LHFPL1: variants seen among roughly 807,000 people sequenced by gnomAD.
The protein encoded by LHFPL1 is LHFPL tetraspan subfamily member 1 protein.
A neutral mutation model predicts 12.1 loss-of-function variants in LHFPL1; 4 were observed. That is an observed-to-expected ratio of 0.33 (90% CI 0.16 to 0.76). The LOEUF is 0.76. LHFPL1 is among the 30% of genes least tolerant of loss of function. The pLI, the probability that LHFPL1 is intolerant of heterozygous loss-of-function variation, is 0.61. For missense variants in LHFPL1, 141 were observed against 174.1 expected (o/e 0.81, Z 1.07); for synonymous variants, 52 against 61.9 (o/e 0.84, Z 0.75).
chrX:112,676,767 A>G (rs1282659885), intron 1 of LHFPL1, among the ~76,000 whole-genome samples: 1 of 112,202 alleles, frequency 8.9e-6, no homozygotes, highest in African/African-American at 3.2e-5. Context: ...AATATCTCTT[A>G]GTAGCTTAAC....
chrX:112,643,078 T>G (rs1249448812), intron 3 of LHFPL1, among the ~76,000 whole-genome samples: 1 of 83,368 alleles, frequency 1.2e-5, no homozygotes, highest in Non-Finnish European at 2.1e-5. Flanking sequence ...AACTGGGTAA[T>G]TTAAAAAAAA....
At chrX:112,660,321 G>T (rs919793949) in intron 3 of LHFPL1, among the ~76,000 whole-genome samples, 1 of 112,508 alleles carries the variant, frequency 8.9e-6, no homozygotes, top group African/African-American at 3.2e-5. Context: ...AACACCAGTA[G>T]GAACTAGGAT....
At chrX:112,662,471 C>T (rs992176318) in intron 2 of LHFPL1, among the ~76,000 whole-genome samples, 1 of 112,005 alleles carries the variant, frequency 8.9e-6, no homozygotes, top group African/African-American at 3.2e-5. Context: ...AGCTTGGCTG[C>T]CCCACGGCAA....
chrX:112,646,485 G>A (rs1930691900), intron 3 of LHFPL1, among the ~76,000 whole-genome samples: 1 of 109,511 alleles, frequency 9.1e-6, no homozygotes, highest in Admixed American at 9.8e-5. Flanking sequence ...GAAGACCAGA[G>A]AGAGGCCCTA....
At chrX:112,648,136 G>C (rs1364046716) in intron 3 of LHFPL1, among the ~76,000 whole-genome samples, 1 of 94,578 alleles carries the variant, frequency 1.1e-5, no homozygotes, top group African/African-American at 3.9e-5. Context: ...AGAACACATG[G>C]ACACAGTGAG....
chrX:112,666,437 G>A (rs1931336106), intron 2 of LHFPL1, among the ~76,000 whole-genome samples: 2 of 111,516 alleles, frequency 1.8e-5, no homozygotes, highest in Non-Finnish European at 3.8e-5. Flanking sequence ...GCCTTTGAGA[G>A]ATAGGTAGAT....
intron 3 of LHFPL1, among the ~76,000 whole-genome samples, chrX:112,658,974 T>C (rs749500113): frequency 8.9e-5 from 10 of 112,231 alleles, no homozygotes; most frequent in African/African-American, 3.2e-4. Context: ...TACATGCTAC[T>C]ACATGTATAC....
At chrX:112,658,349 T>C (rs984874236) in intron 3 of LHFPL1, among the ~76,000 whole-genome samples, 9 of 106,152 alleles carry the variant, frequency 8.5e-5, no homozygotes, top group Non-Finnish European at 1.7e-4. Context: ...CACTTGAACC[T>C]GGGAGGCGGA....
At chrX:112,662,143 A>G (rs1259375956) in intron 2 of LHFPL1, among the ~76,000 whole-genome samples, 3 of 112,646 alleles carry the variant, frequency 2.7e-5, no homozygotes, top group Non-Finnish European at 3.7e-5. Context: ...CAACCAAAAG[A>G]GCCTAATTAC....
At chrX:112,637,949 T>A (rs1930392578) in intron 3 of LHFPL1, among the ~76,000 whole-genome samples, 1 of 111,542 alleles carries the variant, frequency 9.0e-6, no homozygotes, top group African/African-American at 3.3e-5. Flanking sequence ...TGGATATTGG[T>A]GTGGCAGGGG....
rs752514002 is a variant in LHFPL1, at chrX:112,671,244, C to T, written c.147G>A (p.Arg49=). 9.9e-6 allele frequency: 12 copies of T among 1,210,512 alleles called. No homozygotes were observed. Among genetic ancestry groups the T allele is most frequent in the Non-Finnish European group, 1.3e-5 (12 of 895,378 alleles). Residue 49 remains arginine, a synonymous_variant, in exon 2 of 4, where the codon AGG becomes AGA. Transcript: ENST00000371968. ...CCTCTCCCCGCACAGGGTAGTTGCACCTCCGGAATGTGCTGAATGACACTG... is the reference window on the plus strand; with the variant it reads ...CCTCTCCCCGCACAGGGTAGTTGCATCTCCGGAATGTGCTGAATGACACTG... ...GKPVSFSTFR[R]CNYPVRGEGH... is the part of the protein sequence containing the mutation.
At chrX:112,660,585 T>C (rs1254789150) in intron 3 of LHFPL1, 42 bp downstream of exon 3, 1 of 1,086,246 alleles carries the variant, frequency 9.2e-7, no homozygotes. Flanking sequence ...GGAAAACACA[T>C]TTCCCATGAA....
chrX:112,639,464 A>G (rs924699024), intron 3 of LHFPL1, among the ~76,000 whole-genome samples: 50 of 111,632 alleles, frequency 4.5e-4, no homozygotes, highest in African/African-American at 1.6e-3. Context: ...GTTCAACCCA[A>G]TGTTCCAAAG....
chrX:112,638,622 C>T (rs1232913364), intron 3 of LHFPL1, among the ~76,000 whole-genome samples: 1 of 111,818 alleles, frequency 8.9e-6, no homozygotes, highest in Non-Finnish European at 1.9e-5. Context: ...GATTAGAACA[C>T]TAGACATAGA....
In LHFPL1 at chrX:112,631,587, C is replaced by G. The variant is rs1569358893; in HGVS notation, c.496G>C (p.Gly166Arg). The G allele has an allele frequency of 1.7e-6, 2 of 1,196,997 alleles. No individual in the cohort carries two copies. The highest frequency in any genetic ancestry group is 2.3e-6 in the Non-Finnish European group (2 of 885,133). Residue 166 changes from glycine to arginine, a missense_variant, in exon 4 of 4, where the codon GGC becomes CGC. Transcript: ENST00000371968. ...NQFQLGTCRL[G>R]WAYYCAGGGA... Reference sequence around the variant, plus strand: ...CCTCCAGCACAGTAATAGGCCCAGCCAAGCCGACAGGTACCTGTGAGAACA... The same window carrying G: ...CCTCCAGCACAGTAATAGGCCCAGCGAAGCCGACAGGTACCTGTGAGAACA...
At chrX:112,659,266 C>T (rs955243243) in intron 3 of LHFPL1, among the ~76,000 whole-genome samples, 2 of 111,061 alleles carry the variant, frequency 1.8e-5, no homozygotes, top group Non-Finnish European at 3.8e-5. Flanking sequence ...TGAACCATGG[C>T]GGAAACCCCT....
intron 2 of LHFPL1, among the ~76,000 whole-genome samples, chrX:112,665,183 C>CTT (rs370572077): frequency 1.2e-4 from 12 of 98,039 alleles, no homozygotes; most frequent in African/African-American, 3.7e-4. Context: ...AAGTCTGTCT[C>CTT]TTTTTTTTTT....
chrX:112,667,976 C>A (rs935318969), intron 2 of LHFPL1, among the ~76,000 whole-genome samples: 1 of 111,085 alleles, frequency 9.0e-6, no homozygotes, highest in Non-Finnish European at 1.9e-5. Flanking sequence ...GGGGGTAGTT[C>A]TTAATGGATA....
intron 3 of LHFPL1, among the ~76,000 whole-genome samples, chrX:112,648,961 C>G (rs1163968525): frequency 8.9e-6 from 1 of 112,137 alleles, no homozygotes; most frequent in African/African-American, 3.2e-5. Flanking sequence ...ACCAAGTTCT[C>G]TACTAAGATA....
Sources: allele counts gnomAD v4.1 joint callset (sites outside exome capture counted in the v4.1 genomes callset), GRCh38; gene constraint gnomAD v4.1.1; transcripts MANE v1.5; gene names NCBI Gene and HGNC (gene_info 2026-07-23, HGNC 2026-07-21).